GRAMD4: variants seen among roughly 807,000 people sequenced by gnomAD.
GRAMD4 encodes the protein GRAM domain containing 4, also known as GRAM domain-containing protein 4.
A neutral mutation model predicts 83.9 loss-of-function variants in GRAMD4; 25 were observed. The observed-to-expected ratio is 0.30, with a 90% CI of 0.22 to 0.42. The LOEUF is 0.42. GRAMD4 is among the 10% of genes least tolerant of loss of function. GRAMD4 has a pLI of 1.00. For synonymous variants in GRAMD4, 336 were observed against 320.9 expected (o/e 1.05, Z -0.50); for missense variants, 593 against 788.7 (o/e 0.75, Z 2.97).
At chr22:46,600,466 C>T (rs1174509349) in intron 1 of GRAMD4, among the ~76,000 whole-genome samples, 1 of 152,182 alleles carries the variant, frequency 6.6e-6, no homozygotes, top group Non-Finnish European at 1.5e-5. Context: ...GGCTTCATTC[C>T]CGTGATGAGG....
chr22:46,616,513 C>T (rs1482003188), upstream of GRAMD4, among the ~76,000 whole-genome samples: 2 of 110,110 alleles, frequency 1.8e-5, no homozygotes, highest in African/African-American at 3.6e-5. Context: ...TTCCCCCAAG[C>T]GTGTAGGTTC....
Position 46,663,923 on chromosome 22 carries a change from G to A in GRAMD4, c.625+60G>A, listed in dbSNP as rs1476528923. 6.3e-6 allele frequency: 10 copies of A among 1,593,376 alleles called. No individual in the cohort carries two copies. In the South Asian group the frequency reaches 6.6e-5, roughly 11 times the overall value. On this transcript the variant is annotated intron_variant, in intron 7 of 18. Transcript: ENST00000406902. Reference sequence around the variant, plus strand: ...GCTCAGTGTGGGTGGGGCCCATGGCGGTGGGGACTCTGGGATTCTGAGCTG... The same window carrying A: ...GCTCAGTGTGGGTGGGGCCCATGGCAGTGGGGACTCTGGGATTCTGAGCTG...
intron 2 of GRAMD4, among the ~76,000 whole-genome samples, chr22:46,637,289 G>A (rs543351443): frequency 6.8e-6 from 1 of 146,112 alleles, no homozygotes; most frequent in Admixed American, 6.9e-5. Flanking sequence ...GTCTCGCTCT[G>A]TCGCCCAGGC....
At chr22:46,664,636 A>C (rs930538550) in intron 8 of GRAMD4, among the ~76,000 whole-genome samples, 1 of 152,118 alleles carries the variant, frequency 6.6e-6, no homozygotes, top group Non-Finnish European at 1.5e-5. Flanking sequence ...CGGCTGCCCC[A>C]GCGGGACAGG....
chr22:46,660,937 A>C (rs1253695209), intron 4 of GRAMD4, among the ~76,000 whole-genome samples: 1 of 152,192 alleles, frequency 6.6e-6, no homozygotes, highest in Non-Finnish European at 1.5e-5. Flanking sequence ...TGCCCAGTCC[A>C]GGCAGGTCGC....
chr22:46,667,495 T>G (rs528833005), intron 10 of GRAMD4, among the ~76,000 whole-genome samples: 23 of 152,350 alleles, frequency 1.5e-4, no homozygotes, highest in Middle Eastern at 3.4e-3. Flanking sequence ...CACGTGGCCA[T>G]GGAAGCCAAA....
chr22:46,660,417 G>C (rs1055143934), intron 4 of GRAMD4, among the ~76,000 whole-genome samples: 2 of 151,974 alleles, frequency 1.3e-5, no homozygotes, highest in African/African-American at 4.8e-5. Flanking sequence ...GCAGATCTGG[G>C]GTGGGTCTGG....
intron 1 of GRAMD4, among the ~76,000 whole-genome samples, chr22:46,589,611 A>T (rs2081186728): frequency 1.3e-5 from 2 of 152,002 alleles, no homozygotes; most frequent in South Asian, 4.1e-4. Context: ...CAGGTGAGTA[A>T]GCGGGTGTCT....
intron 2 of GRAMD4, 47 bp downstream of exon 2, chr22:46,627,008 C>T (rs772405048): frequency 1.1e-5 from 16 of 1,404,136 alleles, no homozygotes; most frequent in African/African-American, 1.4e-5. Context: ...GTGTCGTCCC[C>T]GTCCTCTGTG....
At chr22:46,595,737 C>T (rs576047720) in intron 1 of GRAMD4, among the ~76,000 whole-genome samples, 26 of 152,242 alleles carry the variant, frequency 1.7e-4, no homozygotes, top group Non-Finnish European at 3.1e-4. Context: ...AAGATGGGGA[C>T]ACCCAGAGAA....
At chr22:46,669,010 C>A in intron 13 of GRAMD4, 102 bp downstream of exon 13, 1 of 686,116 alleles carries the variant, frequency 1.5e-6, no homozygotes, top group Non-Finnish European at 2.6e-6. Flanking sequence ...TTAAACTCAC[C>A]TGGCGATCCT....
chr22:46,641,975 A>G (rs1169490801), intron 3 of GRAMD4, among the ~76,000 whole-genome samples: 1 of 152,196 alleles, frequency 6.6e-6, no homozygotes, highest in Non-Finnish European at 1.5e-5. Flanking sequence ...TTCTCTTCTG[A>G]GAGCATCCAC....
At position 46,673,738 on chromosome 22, in the gene GRAMD4, C is replaced by T. The variant is rs1022134551; in HGVS notation, c.1308C>T (p.Ala436=). The change falls in exon 15 of 19, where the codon GCC becomes GCT. Residue 436 remains alanine, a synonymous_variant. Coordinates refer to ENST00000406902, the MANE Select transcript of GRAMD4 (RefSeq NM_015124.5). The part of the protein sequence containing the change: ...APAGLGKEED[A]GRFHSTKKGN... ...CCGGCCTGGGTAAAGAGGAGGACGC[C>T]GGTCGCTTCCACAGCACCAAGAAGG... is the stretch of plus-strand genomic sequence containing the variant. 17 of 1,612,886 alleles carry T rather than the reference C, an allele frequency of 1.1e-5. No homozygotes were observed. Among genetic ancestry groups the T allele is most frequent in the East Asian group, 6.7e-5 (3 of 44,864 alleles).
At chr22:46,681,497 C>G (rs541607244), downstream of GRAMD4, among the ~76,000 whole-genome samples, 1 of 152,194 alleles carries the variant, frequency 6.6e-6, no homozygotes, top group Non-Finnish European at 1.5e-5. Flanking sequence ...CGGCATCTCT[C>G]GGCTGTACCT....
intron 1 of GRAMD4, among the ~76,000 whole-genome samples, chr22:46,625,369 G>C (rs1414649709): frequency 6.6e-6 from 1 of 152,200 alleles, no homozygotes; most frequent in Non-Finnish European, 1.5e-5. Context: ...TTTGGGGGCG[G>C]GGCAGGCATG....
At chr22:46,594,838 C>T (rs923291236) in intron 1 of GRAMD4, among the ~76,000 whole-genome samples, 1 of 151,978 alleles carries the variant, frequency 6.6e-6, no homozygotes, top group African/African-American at 2.4e-5. Flanking sequence ...TGAGGAGGGG[C>T]GCCCCACATG....
downstream of GRAMD4, among the ~76,000 whole-genome samples, chr22:46,681,628 A>G (rs1475925936): frequency 6.6e-6 from 1 of 152,054 alleles, no homozygotes; most frequent in Non-Finnish European, 1.5e-5. Flanking sequence ...AGAAGCTGGC[A>G]CTCTGGCTGC....
At position 46,663,979 on chromosome 22, in the gene GRAMD4, G is replaced by C. The variant is rs369750824; in HGVS notation, c.626-47G>C. On this transcript the variant is annotated intron_variant, in intron 7 of 18. Coordinates refer to ENST00000406902, the MANE Select transcript of GRAMD4 (RefSeq NM_015124.5). ...ACTCTCCAGGGAGACGTGGTTAAGC[G>C]GCCTCCTACCCACAGTGCTGACCAC... The C allele has an allele frequency of 5.6e-5, 88 of 1,573,412 alleles. No homozygotes were observed. In the Middle Eastern group the frequency reaches 1.2e-3, roughly 21 times the overall value.
chr22:46,579,984 G>T (rs1310715859), intron 1 of GRAMD4, among the ~76,000 whole-genome samples: 1 of 152,156 alleles, frequency 6.6e-6, no homozygotes, highest in Non-Finnish European at 1.5e-5. Context: ...TGGCTGGGTG[G>T]CCTGGTCACC....
Sources: gnomAD v4.1 joint callset for allele counts (sites outside exome capture counted in the v4.1 genomes callset) on GRCh38, gnomAD v4.1.1 for gene constraint, MANE v1.5 for transcripts, NCBI Gene and HGNC (gene_info 2026-07-23, HGNC 2026-07-21) for gene names.